KRCC1: variants seen among roughly 807,000 people sequenced by gnomAD.
KRCC1 encodes lysine-rich coiled-coil protein 1.
A neutral mutation model predicts 7.4 loss-of-function variants in KRCC1; 3 were observed. The observed-to-expected ratio is 0.40, with a 90% CI of 0.18 to 1.04. The LOEUF (loss-of-function observed/expected upper bound fraction) is 1.04. Among genes scored for constraint, KRCC1 ranks in the 50% least tolerant of loss-of-function variants. KRCC1 has a pLI of 0.33. For synonymous variants in KRCC1, 102 were observed against 101.6 expected (o/e 1.00, Z -0.02); for missense variants, 277 against 300.9 (o/e 0.92, Z 0.59).
chr2:88,043,617 C>A (rs1401118769), intron 1 of KRCC1, among the ~76,000 whole-genome samples: 2 of 152,194 alleles, frequency 1.3e-5, no homozygotes, highest in Non-Finnish European at 2.9e-5. Flanking sequence ...TCCTGTAACA[C>A]TTTTACAGCA....
intron 1 of KRCC1, among the ~76,000 whole-genome samples, chr2:88,049,774 C>T (rs765929438): frequency 7.4e-4 from 113 of 152,196 alleles, no homozygotes; most frequent in Non-Finnish European, 1.4e-3. Flanking sequence ...CTTACTGACA[C>T]CTAATAAAGG....
intron 1 of KRCC1, among the ~76,000 whole-genome samples, chr2:88,048,053 T>C (rs1673382156): frequency 6.6e-6 from 1 of 151,714 alleles, no homozygotes; most frequent in African/African-American, 2.4e-5. Flanking sequence ...TGCACCTTTT[T>C]TTCTGTCAGC....
At chr2:88,031,651 A>G (rs1672993730) in intron 3 of KRCC1, among the ~76,000 whole-genome samples, 1 of 151,850 alleles carries the variant, frequency 6.6e-6, no homozygotes, top group Non-Finnish European at 1.5e-5. Flanking sequence ...AATAAAAAAA[A>G]AGTTAAGAAT....
At chr2:88,049,500 T>C (rs867116692) in intron 1 of KRCC1, among the ~76,000 whole-genome samples, 9 of 152,042 alleles carry the variant, frequency 5.9e-5, no homozygotes, top group African/African-American at 2.2e-4. Flanking sequence ...ACAAAAAAAC[T>C]AGCTGGGCAT....
rs763797563 is a variant in KRCC1, at chr2:88,028,205, A to G, written c.359T>C (p.Phe120Ser). The G allele has an allele frequency of 6.2e-7, 1 of 1,614,194 alleles. No individual in the cohort carries two copies. ...CFSEKPVPLN[F>S]NQQEYICGSH... is the part of the protein sequence containing the mutation. Reference sequence around the variant, plus strand: ...GCCACAAATATATTCTTGTTGATTAAAGTTCAGGGGTACTGGTTTTTCTGA... The same window carrying G: ...GCCACAAATATATTCTTGTTGATTAGAGTTCAGGGGTACTGGTTTTTCTGA... Residue 120 changes from phenylalanine (F) to serine (S), a missense_variant, in exon 4 of 4, where the codon TTT (phenylalanine) becomes TCT (serine). Transcript: ENST00000347055.
chr2:88,039,692 T>A (rs1032180138), intron 1 of KRCC1, among the ~76,000 whole-genome samples: 13 of 151,196 alleles, frequency 8.6e-5, no homozygotes, highest in Non-Finnish European at 1.5e-4. Flanking sequence ...TCTCAGAAAA[T>A]ATATATATAT....
intron 1 of KRCC1, among the ~76,000 whole-genome samples, chr2:88,053,554 C>G (rs1673544911): frequency 6.6e-6 from 1 of 152,140 alleles, no homozygotes; most frequent in East Asian, 1.9e-4. Context: ...GCAAAATAAT[C>G]CAGGCTGACT....
intron 1 of KRCC1, among the ~76,000 whole-genome samples, chr2:88,050,924 C>CTTTTTTTT (rs60827041): frequency 1.6e-5 from 2 of 125,384 alleles, no homozygotes; most frequent in Non-Finnish European, 1.7e-5. Context: ...TCCTTACTTG[C>CTTTTTTTT]TTTTTTTTTT....
intron 1 of KRCC1, among the ~76,000 whole-genome samples, chr2:88,052,935 T>C (rs760898959): frequency 1.2e-4 from 19 of 152,202 alleles, no homozygotes; most frequent in Non-Finnish European, 2.5e-4. Flanking sequence ...TTTTCCCACA[T>C]TTATTATTTT....
chr2:88,051,427 C>G (rs188698383), intron 1 of KRCC1, among the ~76,000 whole-genome samples: 2 of 152,176 alleles, frequency 1.3e-5, no homozygotes, highest in Non-Finnish European at 2.9e-5. Flanking sequence ...TTGGAGGAAT[C>G]TGCTAACAAA....
intron 3 of KRCC1, among the ~76,000 whole-genome samples, 187 bp downstream of exon 3, chr2:88,033,947 C>T (rs566871553): frequency 6.6e-6 from 1 of 152,284 alleles, no homozygotes; most frequent in South Asian, 2.1e-4. Flanking sequence ...TGCCCATCAA[C>T]TGATAAATGG....
chr2:88,037,457 C>T (rs1673114612), intron 1 of KRCC1, among the ~76,000 whole-genome samples: 1 of 152,066 alleles, frequency 6.6e-6, no homozygotes, highest in Non-Finnish European at 1.5e-5. Context: ...AACCACAAAC[C>T]ATCTTTATTT....
intron 3 of KRCC1, among the ~76,000 whole-genome samples, chr2:88,029,735 C>A (rs1332759999): frequency 6.6e-6 from 1 of 151,196 alleles, no homozygotes; most frequent in Non-Finnish European, 1.5e-5. Context: ...GGGGGAAGGG[C>A]AAGACTGTTC....
intron 1 of KRCC1, among the ~76,000 whole-genome samples, chr2:88,051,899 C>T (rs1391490333): frequency 2.6e-5 from 4 of 152,222 alleles, no homozygotes; most frequent in South Asian, 2.1e-4. Context: ...TCTTCAACCT[C>T]GACACTTCTG....
At chr2:88,054,414 TC>T (rs1673567022) in intron 1 of KRCC1, among the ~76,000 whole-genome samples, 1 of 152,176 alleles carries the variant, frequency 6.6e-6, no homozygotes, top group East Asian at 1.9e-4. Flanking sequence ...CCTCCTCTGT[TC>T]CTTTGAGATG....
In KRCC1 at chr2:88,027,306, A is replaced by C. The variant is rs2104598536; in HGVS notation, c.*478T>G. 1 of 153,144 alleles carries C rather than the reference A, an allele frequency of 6.5e-6. No homozygotes were observed. 9.5% of individuals were successfully genotyped at this position (153,144 alleles called of 1,614,324 possible). A position where few individuals can be genotyped will look rare whatever the true frequency, so the allele number is the denominator to read the frequency against. The stretch of plus-strand genomic sequence containing the variant: ...AAACTTTATGTAACCTAAGATTATA[A>C]TATATTTCATTTTCCACTTTCCAGC... On this transcript the variant is annotated 3_prime_UTR_variant, in exon 4 of 4. Transcript: ENST00000347055.
At chr2:88,043,587 A>G (rs1673261547) in intron 1 of KRCC1, among the ~76,000 whole-genome samples, 2 of 152,250 alleles carry the variant, frequency 1.3e-5, no homozygotes, top group Non-Finnish European at 2.9e-5. Flanking sequence ...CACATTCACA[A>G]GCGACCTATT....
In KRCC1 at chr2:88,028,213, G is replaced by C; in HGVS notation, c.351C>G (p.Pro117=). The C allele has an allele frequency of 6.2e-7, 1 of 1,614,114 alleles. No homozygotes were observed. Among genetic ancestry groups the C allele is most frequent in the Non-Finnish European group, 8.5e-7 (1 of 1,180,018 alleles). The part of the protein sequence containing the change: ...TRDCFSEKPV[P]LNFNQQEYIC... ...TATATTCTTGTTGATTAAAGTTCAG[G>C]GGTACTGGTTTTTCTGAGAAACAGT... Residue 117 remains proline (P), a synonymous_variant, in exon 4 of 4, where the codon CCC becomes CCG. Coordinates refer to ENST00000347055, the MANE Select transcript of KRCC1 (RefSeq NM_016618.3).
intron 2 of KRCC1, among the ~76,000 whole-genome samples, chr2:88,036,573 C>G (rs1319539590): frequency 6.6e-6 from 1 of 152,070 alleles, no homozygotes; most frequent in East Asian, 1.9e-4. Context: ...ATGTTGTAAC[C>G]TTTGATTAAT....
Sources: gnomAD v4.1 joint callset for allele counts (sites outside exome capture counted in the v4.1 genomes callset) on GRCh38, gnomAD v4.1.1 for gene constraint, MANE v1.5 for transcripts, NCBI Gene and HGNC (gene_info 2026-07-23, HGNC 2026-07-21) for gene names.